Variants in TM2D3 observed in about 807,000 individuals in gnomAD.
TM2D3 encodes the protein TM2 domain containing 3, also known as TM2 domain-containing protein 3.
In TM2D3, 33 loss-of-function variants were observed where a neutral mutation model predicts 27.3. That is an observed-to-expected ratio of 1.21 (90% confidence interval 0.92 to 1.61). The LOEUF (loss-of-function observed/expected upper bound fraction) is 1.61. TM2D3 is among the 40% of genes most tolerant of loss of function. The pLI, the probability that TM2D3 is intolerant of heterozygous loss-of-function variation, is 0.00. For synonymous variants in TM2D3, 138 were observed against 122.2 expected, an observed-to-expected ratio of 1.13 and a Z score of -0.85; for missense variants, 364 against 320.8, an observed-to-expected ratio of 1.13 and a Z score of -1.03.
chr15:101,645,890 G>A (rs553130701), intron 4 of TM2D3: 1 of 151,414 alleles, frequency 6.6e-6, no homozygotes, highest in Admixed American at 6.6e-5. Flanking sequence ...AAGAAGTCTA[G>A]ACAACTTTAA....
downstream of TM2D3, among the ~76,000 whole-genome samples, chr15:101,639,341 G>A (rs1185111898): frequency 6.6e-6 from 1 of 151,278 alleles, no homozygotes; most frequent in Non-Finnish European, 1.5e-5. Context: ...GGAAGCTTTA[G>A]AGCAGGAGCG....
At position 101,652,331 on chromosome 15, in the gene TM2D3, G is replaced by T; in HGVS notation, c.31C>A (p.Leu11Ile). The T allele has an allele frequency of 6.2e-7, 1 of 1,602,050 alleles. No homozygotes were observed. The highest frequency in any genetic ancestry group is 1.4e-5 in the African/African-American group (1 of 72,844). The change falls in exon 1 of 6, where the codon CTC becomes ATC. Residue 11 changes from leucine (L) to isoleucine (I), a missense_variant. By Grantham distance (5) the Leu-to-Ile change is conservative (BLOSUM62 2). Transcript: ENST00000333202. ...AGCAGCACGCGACACAAGGCGCGGA[G>T]GCCCCTCAGCGGGAGCACCCCTCCC... MAGGVLPLRGLRALCRVLLFL... is the reference protein window; with the variant it reads MAGGVLPLRGIRALCRVLLFL...
chr15:101,640,187 T>C (rs968559290), downstream of TM2D3, among the ~76,000 whole-genome samples: 1 of 152,158 alleles, frequency 6.6e-6, no homozygotes, highest in African/African-American at 2.4e-5. Context: ...CCACCCCAAA[T>C]TCACATGTGG....
At chr15:101,649,899 T>C in intron 3 of TM2D3, 105 bp downstream of exon 3, 2 of 1,111,664 alleles carry the variant, frequency 1.8e-6, no homozygotes, top group Non-Finnish European at 2.6e-6. Flanking sequence ...CATAAAAGAA[T>C]ATAAAAATTC....
At chr15:101,639,908 AG>A (rs1160792608), downstream of TM2D3, among the ~76,000 whole-genome samples, 15 of 152,288 alleles carry the variant, frequency 9.8e-5, no homozygotes, top group South Asian at 4.1e-4. Context: ...GGGACAATGG[AG>A]GGGGTAGACA....
chr15:101,641,463 C>T (rs1034013767), downstream of TM2D3, among the ~76,000 whole-genome samples: 18 of 152,252 alleles, frequency 1.2e-4, no homozygotes, highest in African/African-American at 3.9e-4. Flanking sequence ...AAATCATCTG[C>T]TGAATGAAAT....
At position 101,642,515 on chromosome 15, in the gene TM2D3, G is replaced by A. The variant is rs374943914; in HGVS notation, c.708C>T (p.Gly236=). ...AAGAGCCATCTGCTGGTCCAACATA[G>A]CCAACTCCAATGAGCAGGACGTCTA... The part of the protein sequence containing the change: ...TLIDVLLIGV[G]YVGPADGSLY... Residue 236 remains glycine, a synonymous_variant, in exon 6 of 6, where the codon GGC becomes GGT. Transcript: ENST00000333202. The A allele has an allele frequency of 6.2e-7, 1 of 1,613,078 alleles. No homozygotes were observed. The highest frequency in any genetic ancestry group is 8.5e-7 in the Non-Finnish European group (1 of 1,179,664).
intron 5 of TM2D3, among the ~76,000 whole-genome samples, chr15:101,644,751 T>C (rs1896760463): frequency 6.6e-6 from 1 of 152,240 alleles, no homozygotes; most frequent in Non-Finnish European, 1.5e-5. Context: ...TCAGTGTTCA[T>C]CATGTATTAC....
chr15:101,648,544 G>C (rs1426528575), intron 3 of TM2D3, among the ~76,000 whole-genome samples: 4 of 152,186 alleles, frequency 2.6e-5, no homozygotes, highest in African/African-American at 7.2e-5. Flanking sequence ...AAGTGAGCCG[G>C]CCTCGTCTGG....
Position 101,651,687 on chromosome 15 carries a change from G to A in TM2D3, c.169+9C>T, listed in dbSNP as rs758303833. ...ACATGTATTTACTAGAATAGAAAAC[G>A]TCTAGTACCTGCTGCCCTGGGAACT... On this transcript the variant is annotated intron_variant, in intron 2 of 5. Transcript: ENST00000333202. 1.6e-5 allele frequency: 26 copies of A among 1,612,762 alleles called. No homozygotes were observed. Among genetic ancestry groups the A allele is most frequent in the African/African-American group, 2.7e-5 (2 of 74,876 alleles).
At chr15:101,637,024 C>T (rs543648646), downstream of TM2D3, 7 of 255,538 alleles carry the variant, frequency 2.7e-5, no homozygotes, top group South Asian at 1.0e-4. Flanking sequence ...CGGTGTGGTC[C>T]GGCTACAGCT....
intron 1 of TM2D3, 88 bp from the exon 2 acceptor site, chr15:101,651,861 C>T: frequency 1.5e-6 from 2 of 1,359,162 alleles, no homozygotes; most frequent in Non-Finnish European, 2.1e-6. Context: ...CGGGTCTACA[C>T]CAGGCCAATA....
intron 3 of TM2D3, among the ~76,000 whole-genome samples, chr15:101,647,187 C>T (rs1896837014): frequency 6.6e-6 from 1 of 152,218 alleles, no homozygotes; most frequent in Non-Finnish European, 1.5e-5. Flanking sequence ...ATAATTATTT[C>T]ATAACTTTTG....
chr15:101,648,222 T>G (rs1460992139), intron 3 of TM2D3: 1 of 152,192 alleles, frequency 6.6e-6, no homozygotes, highest in East Asian at 1.9e-4. Context: ...TTTTAACATT[T>G]CACAAATTTG....
At chr15:101,638,202 C>CCCTTTTCACTTCCCCCAGCAGT (rs1175618009), downstream of TM2D3, among the ~76,000 whole-genome samples, 9 of 152,248 alleles carry the variant, frequency 5.9e-5, no homozygotes, top group African/African-American at 2.2e-4. Flanking sequence ...TTCCCAGCAG[C>CCCTTTTCACTTCCCCCAGCAGT]CCTTTTCACT....
At chr15:101,644,411 C>T (rs1264922810) in intron 5 of TM2D3, among the ~76,000 whole-genome samples, 1 of 152,158 alleles carries the variant, frequency 6.6e-6, no homozygotes, top group Non-Finnish European at 1.5e-5. Flanking sequence ...CACAGCACAG[C>T]CCCAAGACAA....
At chr15:101,639,380 G>GT (rs34006564), downstream of TM2D3, among the ~76,000 whole-genome samples, 164 of 148,896 alleles carry the variant, frequency 1.1e-3, 2 homozygotes, top group South Asian at 0.025. Flanking sequence ...TTTCCTGGGT[G>GT]TTTTTTTTTT....
chr15:101,639,111 G>T (rs770764719), downstream of TM2D3, among the ~76,000 whole-genome samples: 54 of 152,270 alleles, frequency 3.5e-4, no homozygotes, highest in Non-Finnish European at 5.7e-4. Flanking sequence ...ACATTTAAAA[G>T]AATTTAAATC....
intron 4 of TM2D3, chr15:101,633,758 GA>G: frequency 6.6e-7 from 1 of 1,516,418 alleles, no homozygotes; most frequent in Non-Finnish European, 8.8e-7. Flanking sequence ...GAATTTAAAA[GA>G]AAAAACAATT....
Sources: allele counts gnomAD v4.1 joint callset (sites outside exome capture counted in the v4.1 genomes callset), GRCh38; gene constraint gnomAD v4.1.1; transcripts MANE v1.5; gene names NCBI Gene and HGNC (gene_info 2026-07-23, HGNC 2026-07-21).